PINX1: variants seen among roughly 807,000 people sequenced by gnomAD.
The protein encoded by PINX1 is PIN2 (TERF1) interacting telomerase inhibitor 1.
In PINX1, 34 loss-of-function variants were observed where a neutral mutation model predicts 25.4. That is an observed-to-expected ratio of 1.34 (90% CI 1.02 to 1.78). The LOEUF (loss-of-function observed/expected upper bound fraction) is 1.78, where lower values mean the gene tolerates loss of function less well. PINX1 is among the 40% of genes most tolerant of loss of function. PINX1 has a pLI of 0.00. For missense variants in PINX1, 592 were observed against 404.9 expected, an observed-to-expected ratio of 1.46 and a Z score of -3.97; for synonymous variants, 197 against 147.7, an observed-to-expected ratio of 1.33 and a Z score of -2.42.
intron 6 of PINX1, among the ~76,000 whole-genome samples, chr8:10,814,701 C>T (rs993090309): frequency 8.5e-5 from 13 of 152,168 alleles, no homozygotes; most frequent in African/African-American, 3.1e-4. Context: ...AAAGACATTT[C>T]AAATATCAAC....
intron 6 of PINX1, among the ~76,000 whole-genome samples, chr8:10,811,193 G>A (rs1387970600): frequency 6.6e-6 from 1 of 152,192 alleles, no homozygotes; most frequent in African/African-American, 2.4e-5. Context: ...CTGGGGCTCA[G>A]AGAGGTTAAA....
intron 6 of PINX1, among the ~76,000 whole-genome samples, chr8:10,817,343 G>A (rs1047033162): frequency 5.9e-5 from 9 of 152,226 alleles, no homozygotes; most frequent in African/African-American, 2.2e-4. Flanking sequence ...GAGGATGGGA[G>A]CCGAAAGAGG....
Position 10,765,162 on chromosome 8 carries a change from G to C in PINX1, c.*239C>G. On this transcript the variant is annotated 3_prime_UTR_variant, in exon 7 of 7. Coordinates refer to ENST00000314787, the MANE Select transcript of PINX1 (RefSeq NM_017884.6). ...TTAAACTCTCTTGCTGAAGGGCTCA[G>C]AGTTTACAAAAAAATTTATTTGTGT... 3.9e-6 allele frequency: 2 copies of C among 517,800 alleles called. No individual in the cohort carries two copies. Among genetic ancestry groups the C allele is most frequent in the Non-Finnish European group, 6.8e-6 (2 of 295,576 alleles). The allele number at this position is 517,800 out of a possible 1,614,324, so 32.1% of individuals were successfully genotyped here.
At chr8:10,769,329 A>G (rs550452876) in intron 6 of PINX1, among the ~76,000 whole-genome samples, 1 of 152,308 alleles carries the variant, frequency 6.6e-6, no homozygotes, top group Non-Finnish European at 1.5e-5. Flanking sequence ...AGCAAGCCTC[A>G]CAGTCCTCTC....
intron 6 of PINX1, among the ~76,000 whole-genome samples, chr8:10,769,656 C>G (rs559105390): frequency 1.3e-5 from 2 of 152,210 alleles, no homozygotes; most frequent in African/African-American, 4.8e-5. Flanking sequence ...CTTGCTGCAA[C>G]CTGAGGAGAG....
intron 6 of PINX1, among the ~76,000 whole-genome samples, chr8:10,792,971 T>A (rs539002826): frequency 1.3e-5 from 2 of 152,284 alleles, no homozygotes; most frequent in East Asian, 3.9e-4. Context: ...CCTCAGCCCT[T>A]GTCCAGACTG....
rs1384786486 is a variant in PINX1, at chr8:10,803,921, G to A, written c.471+16272C>T. ...ATAGGGCTATCAATTAAGAAGCAAGGAAATCAACCTGCAATGTAAAACTAC... is the reference window on the plus strand; with the variant it reads ...ATAGGGCTATCAATTAAGAAGCAAGAAAATCAACCTGCAATGTAAAACTAC... On this transcript the variant is annotated intron_variant, in intron 6 of 6. Transcript: ENST00000314787. 3.9e-5 allele frequency among the ~76,000 whole-genome samples: 6 copies of A among 152,184 alleles called. No homozygotes were observed. In the East Asian group the frequency reaches 1.2e-3, roughly 29 times the overall value.
chr8:10,767,036 A>C (rs1238859018), intron 6 of PINX1, among the ~76,000 whole-genome samples: 1 of 152,202 alleles, frequency 6.6e-6, no homozygotes, highest in African/African-American at 2.4e-5. Flanking sequence ...CAATCATGCT[A>C]AACTTAGGTT....
At chr8:10,833,913 T>C (rs1438039046) in intron 2 of PINX1, 1 of 155,254 alleles carries the variant, frequency 6.4e-6, no homozygotes, top group Non-Finnish European at 1.5e-5. Context: ...TCAAGAGTTT[T>C]ATAATAGAAA....
rs554277272 is a variant in PINX1, at chr8:10,777,321, T to C, written c.472-11405A>G. Among the ~76,000 whole-genome samples the C allele has an allele frequency of 1.4e-3, 218 of 152,356 alleles. 2 individuals are homozygous for C. The highest frequency in any genetic ancestry group is 4.9e-3 in the African/African-American group (204 of 41,588). On this transcript the variant is annotated intron_variant, in intron 6 of 6. Transcript: ENST00000314787. ...GACCCACTTTCTCCTTTCTGGCTCC[T>C]CTAGAAAGCAGAGGCAGGCCCAAGC...
At chr8:10,797,953 A>C (rs576445379) in intron 6 of PINX1, among the ~76,000 whole-genome samples, 1 of 152,362 alleles carries the variant, frequency 6.6e-6, no homozygotes, top group East Asian at 1.9e-4. Flanking sequence ...ATGATGAGCT[A>C]AACAGTCCTT....
At chr8:10,828,514 A>G (rs924250725) in intron 4 of PINX1, among the ~76,000 whole-genome samples, 1 of 152,154 alleles carries the variant, frequency 6.6e-6, no homozygotes, top group African/African-American at 2.4e-5. Context: ...ATGGGACCGA[A>G]GCCCAGGCAG....
intron 6 of PINX1, among the ~76,000 whole-genome samples, chr8:10,777,083 C>G (rs557136224): frequency 1.3e-5 from 2 of 152,230 alleles, no homozygotes; most frequent in South Asian, 4.1e-4. Context: ...AAAGCCAAAT[C>G]TAATCCTTTC....
chr8:10,790,335 G>A (rs1166252371), intron 6 of PINX1, among the ~76,000 whole-genome samples: 1 of 152,216 alleles, frequency 6.6e-6, no homozygotes, highest in Non-Finnish European at 1.5e-5. Flanking sequence ...GCACTGATGA[G>A]TACATGAAAG....
At chr8:10,811,948 C>G (rs1797536245) in intron 6 of PINX1, among the ~76,000 whole-genome samples, 1 of 152,158 alleles carries the variant, frequency 6.6e-6, no homozygotes. Context: ...CTTAGAAGAG[C>G]ATGTGGAATG....
chr8:10,811,834 A>G (rs1366874788), intron 6 of PINX1, among the ~76,000 whole-genome samples: 1 of 152,102 alleles, frequency 6.6e-6, no homozygotes, highest in African/African-American at 2.4e-5. Flanking sequence ...GTCACCTGGA[A>G]CCCTACTGCT....
At chr8:10,800,161 G>A (rs1802221227) in intron 6 of PINX1, among the ~76,000 whole-genome samples, 1 of 152,178 alleles carries the variant, frequency 6.6e-6, no homozygotes, top group African/African-American at 2.4e-5. Flanking sequence ...CTTCCACAAA[G>A]TGAGACCTTG....
intron 6 of PINX1, among the ~76,000 whole-genome samples, chr8:10,796,413 G>C (rs1409286311): frequency 6.6e-6 from 1 of 152,092 alleles, no homozygotes; most frequent in Admixed American, 6.5e-5. Context: ...CTCGTATCCA[G>C]CCTTTACCAT....
Position 10,789,261 on chromosome 8 carries a change from C to T in PINX1, c.472-23345G>A, listed in dbSNP as rs1453678467. ...TGGGCCAGCGAGATGAGGAGCCATG[C>T]TGGACGAGCATCCTTTTTTTCCAGA... On this transcript the variant is annotated intron_variant, in intron 6 of 6. Coordinates refer to ENST00000314787, the MANE Select transcript of PINX1 (RefSeq NM_017884.6). Among the ~76,000 whole-genome samples, 3 of 152,216 alleles carry T rather than the reference C, an allele frequency of 2.0e-5. No individual in the cohort carries two copies. In the East Asian group the frequency reaches 5.8e-4, roughly 29 times the overall value.
Sources: gnomAD v4.1 joint callset for allele counts (sites outside exome capture counted in the v4.1 genomes callset) on GRCh38, gnomAD v4.1.1 for gene constraint, MANE v1.5 for transcripts, NCBI Gene and HGNC (gene_info 2026-07-23, HGNC 2026-07-21) for gene names.